The following IFT81 variants were observed in gnomAD, a reference collection of about 807,000 sequenced individuals.
IFT81 encodes the protein intraflagellar transport 81.
A neutral mutation model predicts 102.6 loss-of-function variants in IFT81; 72 were observed. The observed-to-expected ratio is 0.70, with a 90% CI of 0.58 to 0.85. The LOEUF (loss-of-function observed/expected upper bound fraction) is 0.85, where lower values mean the gene tolerates loss of function less well. IFT81 is among the 40% of genes least tolerant of loss of function. The pLI, the probability that IFT81 is intolerant of heterozygous loss-of-function variation, is 0.00. For synonymous variants in IFT81, 237 were observed against 242.7 expected, an observed-to-expected ratio of 0.98 and a Z score of 0.22; for missense variants, 723 against 787.3, an observed-to-expected ratio of 0.92 and a Z score of 0.98.
At chr12:110,203,184 T>G (rs926508825) in intron 14 of IFT81, among the ~76,000 whole-genome samples, 3 of 152,166 alleles carry the variant, frequency 2.0e-5, no homozygotes, top group Admixed American at 1.3e-4. Flanking sequence ...GAGAATCGCA[T>G]GAACCCAGGA....
chr12:110,168,530 A>T (rs940336344), intron 11 of IFT81: 10 of 724,440 alleles, frequency 1.4e-5, no homozygotes, highest in Middle Eastern at 7.0e-4. Flanking sequence ...TAATTTTTTT[A>T]AAAAGTATCC....
At chr12:110,171,705 T>G (rs1896740380) in intron 11 of IFT81, among the ~76,000 whole-genome samples, 1 of 152,248 alleles carries the variant, frequency 6.6e-6, no homozygotes, top group Non-Finnish European at 1.5e-5. Flanking sequence ...TTGAACATTT[T>G]CTCTTGCCTT....
intron 4 of IFT81, among the ~76,000 whole-genome samples, chr12:110,130,528 C>T (rs992046273): frequency 2.2e-4 from 33 of 151,974 alleles, no homozygotes; most frequent in Non-Finnish European, 4.1e-4. Context: ...CACCACCACA[C>T]CCAGCTAATT....
chr12:110,189,327 T>G (rs1219716528), intron 12 of IFT81, among the ~76,000 whole-genome samples: 1 of 151,872 alleles, frequency 6.6e-6, no homozygotes, highest in Non-Finnish European at 1.5e-5. Flanking sequence ...ATTCTAGTCC[T>G]TTTTAAAATT....
chr12:110,200,873 C>T, intron 14 of IFT81, among the ~76,000 whole-genome samples: 1 of 151,636 alleles, frequency 6.6e-6, no homozygotes, highest in Non-Finnish European at 1.5e-5. Flanking sequence ...TTGCTTGAAC[C>T]CGGGAGGCGG....
intron 11 of IFT81, among the ~76,000 whole-genome samples, chr12:110,174,094 A>G (rs1435275056): frequency 6.6e-6 from 1 of 151,638 alleles, no homozygotes; most frequent in Non-Finnish European, 1.5e-5. Context: ...TGGCTAACAC[A>G]GTGAAACCCC....
At chr12:110,151,298 TTC>T in intron 10 of IFT81, among the ~76,000 whole-genome samples, 1 of 152,352 alleles carries the variant, frequency 6.6e-6, no homozygotes, top group Non-Finnish European at 1.5e-5. Context: ...TGTCATTGGC[TTC>T]TTTCACTTAG....
chr12:110,131,387 C>T (rs573011662), intron 4 of IFT81, among the ~76,000 whole-genome samples: 9 of 152,012 alleles, frequency 5.9e-5, no homozygotes, highest in African/African-American at 1.9e-4. Context: ...CGCTTTGTCA[C>T]CCAGGCTGGA....
intron 7 of IFT81, 38 bp downstream of exon 7, chr12:110,135,475 A>G (rs1419925878): frequency 8.4e-7 from 1 of 1,187,268 alleles, no homozygotes; most frequent in African/African-American, 1.5e-5. Context: ...GTATGAAGGA[A>G]ATAGTTCCTT....
At chr12:110,199,699 G>A (rs989420012) in intron 14 of IFT81, among the ~76,000 whole-genome samples, 2 of 152,106 alleles carry the variant, frequency 1.3e-5, no homozygotes, top group African/African-American at 4.8e-5. Context: ...ATACATAGAA[G>A]CTACATCCCC....
chr12:110,205,231 C>A, intron 15 of IFT81: 1 of 388,642 alleles, frequency 2.6e-6, no homozygotes, highest in Non-Finnish European at 4.4e-6. Flanking sequence ...GAGACTCTGT[C>A]TCAAAAAATA....
chr12:110,154,628 CAAA>C (rs201856295), intron 10 of IFT81, among the ~76,000 whole-genome samples: 5 of 53,622 alleles, frequency 9.3e-5, no homozygotes, highest in Admixed American at 5.9e-4. Context: ...CTCTGTCTCA[CAAA>C]AAAAAAAAAA....
chr12:110,178,366 A>G (rs1897135335), intron 11 of IFT81, among the ~76,000 whole-genome samples: 1 of 147,582 alleles, frequency 6.8e-6, no homozygotes, highest in African/African-American at 2.5e-5. Flanking sequence ...GTGAGGGGAG[A>G]TTGTGCGGCT....
intron 13 of IFT81, among the ~76,000 whole-genome samples, chr12:110,191,497 A>T (rs1350347936): frequency 6.6e-6 from 1 of 151,720 alleles, no homozygotes; most frequent in Non-Finnish European, 1.5e-5. Flanking sequence ...ATCTCTTTTG[A>T]ATTTTTTTCA....
chr12:110,126,982 A>G (rs1036739387), intron 1 of IFT81, among the ~76,000 whole-genome samples: 10 of 152,198 alleles, frequency 6.6e-5, no homozygotes, highest in Non-Finnish European at 1.3e-4. Flanking sequence ...TGGGAGAAAC[A>G]TCTGTTAGGC....
intron 10 of IFT81, among the ~76,000 whole-genome samples, chr12:110,150,670 A>T (rs1895477167): frequency 6.6e-6 from 1 of 152,216 alleles, no homozygotes; most frequent in Non-Finnish European, 1.5e-5. Context: ...TTTACACACA[A>T]CAGTCTCAGA....
chr12:110,188,561 T>C (rs2137539526), intron 12 of IFT81, among the ~76,000 whole-genome samples: 1 of 151,994 alleles, frequency 6.6e-6, no homozygotes, highest in South Asian at 2.1e-4. Flanking sequence ...TGTCTTTCTT[T>C]CCTTTTGGTT....
chr12:110,156,249 A>G (rs936117924), intron 10 of IFT81, among the ~76,000 whole-genome samples: 6 of 152,208 alleles, frequency 3.9e-5, no homozygotes, highest in African/African-American at 1.4e-4. Flanking sequence ...TTATGTAGAG[A>G]ACAAAAAGTG....
chr12:110,152,240 A>C (rs1291493973), intron 10 of IFT81, among the ~76,000 whole-genome samples: 2 of 152,188 alleles, frequency 1.3e-5, no homozygotes, highest in African/African-American at 4.8e-5. Context: ...ACTGTTTTCT[A>C]TAATGGCTAT....
Sources: gnomAD v4.1 joint callset for allele counts (sites outside exome capture counted in the v4.1 genomes callset) on GRCh38, gnomAD v4.1.1 for gene constraint, MANE v1.5 for transcripts, NCBI Gene and HGNC (gene_info 2026-07-23, HGNC 2026-07-21) for gene names.